The following TMEM245 variants were observed in gnomAD, a reference collection of about 807,000 sequenced individuals.
TMEM245 encodes the protein transmembrane protein 245.
TMEM245 carries 69 observed loss-of-function variants against 101.2 expected under a neutral mutation model. That is an observed-to-expected ratio of 0.68 (90% CI 0.56 to 0.83). TMEM245 has a LOEUF of 0.83. TMEM245 is among the 40% of genes least tolerant of loss of function. TMEM245 has a pLI of 0.00. For synonymous variants in TMEM245, 537 were observed against 449.8 expected (o/e 1.19, Z -2.45); for missense variants, 1,075 against 1,092.8 (o/e 0.98, Z 0.23).
At position 109,108,522 on chromosome 9, in the gene TMEM245, T is replaced by C; in HGVS notation, c.628A>G (p.Asn210Asp). ...GYVLTVSFKW[N>D]ASTERYLRAV... ...CTCAAGTAGCGTTCAGTGCTTGCAT[T>C]CCACTTGAATGAAACAGTCAACACA... Residue 210 changes from asparagine (N) to aspartate (D), a missense_variant, in exon 2 of 18, where the codon AAT (asparagine) becomes GAT (aspartate). By Grantham distance (23) the Asn-to-Asp change is conservative (BLOSUM62 1). This residue lies in a region of TMEM245 where 808 missense variants were observed against 741.5 expected (regional missense o/e 1.09). Transcript: ENST00000374586. 1 of 1,610,546 alleles carries C rather than the reference T, an allele frequency of 6.2e-7. No individual in the cohort carries two copies. The highest frequency in any genetic ancestry group is 1.1e-5 in the South Asian group (1 of 90,366).
chr9:109,086,535 C>G (rs1206465243), intron 6 of TMEM245, among the ~76,000 whole-genome samples: 1 of 152,144 alleles, frequency 6.6e-6, no homozygotes, highest in African/African-American at 2.4e-5. Flanking sequence ...GTGTACCAGG[C>G]AATAATCTAG....
chr9:109,107,493 C>G (rs1830460505), intron 2 of TMEM245, among the ~76,000 whole-genome samples: 1 of 151,908 alleles, frequency 6.6e-6, no homozygotes, highest in Non-Finnish European at 1.5e-5. Context: ...ATAAAACATC[C>G]CTGCCTGCCT....
intron 9 of TMEM245, among the ~76,000 whole-genome samples, chr9:109,066,492 A>G: frequency 6.7e-6 from 1 of 148,846 alleles, no homozygotes; most frequent in South Asian, 2.1e-4. Flanking sequence ...CTCAGCAAGT[A>G]AGACAAAATT....
chr9:109,070,967 C>A (rs893519416), intron 9 of TMEM245, among the ~76,000 whole-genome samples: 1 of 152,134 alleles, frequency 6.6e-6, no homozygotes, highest in South Asian at 2.1e-4. Flanking sequence ...CTGCAACCTC[C>A]GTCTCCCGAG....
intron 8 of TMEM245, among the ~76,000 whole-genome samples, chr9:109,077,173 CAA>C (rs1342147579): frequency 6.6e-6 from 1 of 151,612 alleles, no homozygotes; most frequent in Non-Finnish European, 1.5e-5. Flanking sequence ...TCTTTTGAGA[CAA>C]AGTCTTGCTC....
chr9:109,028,070 G>A (rs1315108666), intron 17 of TMEM245, among the ~76,000 whole-genome samples: 1 of 152,126 alleles, frequency 6.6e-6, no homozygotes, highest in Non-Finnish European at 1.5e-5. Flanking sequence ...TCCCTTATCT[G>A]AAATGCTTGG....
rs117682300 is a variant in TMEM245 at position 109,041,381 on chromosome 9, C to G, written c.2124-3264G>C. 9.2e-3 allele frequency among the ~76,000 whole-genome samples: 1,357 copies of G among 147,928 alleles called. 14 individuals carry two copies. Among genetic ancestry groups the G allele is most frequent in the Middle Eastern group, 0.054 (15 of 276 alleles). On this transcript the variant is annotated intron_variant, in intron 14 of 17. Coordinates refer to ENST00000374586, the MANE Select transcript of TMEM245 (RefSeq NM_032012.4). Reference sequence around the variant, plus strand: ...ATAAGCCAGGCACAGCACAGATAGACAAATACTGCATGTGGAATGTAAGAG... The same window carrying G: ...ATAAGCCAGGCACAGCACAGATAGAGAAATACTGCATGTGGAATGTAAGAG...
intron 12 of TMEM245, among the ~76,000 whole-genome samples, chr9:109,054,223 CAGGAGGAAGAAGG>C (rs1270920361): frequency 6.6e-6 from 1 of 152,068 alleles, no homozygotes; most frequent in Non-Finnish European, 1.5e-5. Context: ...CCCAGCTACT[CAGGAGGAAGAAGG>C]AGGAGGATGA....
At position 109,075,443 on chromosome 9, in the gene TMEM245, C is replaced by A. The variant is rs1236662982; in HGVS notation, c.1450-2005G>T. 2.6e-5 allele frequency among the ~76,000 whole-genome samples: 4 copies of A among 152,210 alleles called. No homozygotes were observed. The East Asian group carries it at 7.7e-4, about 29-fold the overall frequency. On this transcript the variant is annotated intron_variant, in intron 8 of 17. Transcript: ENST00000374586. ...ACACTGTGTAGAACAGGCAGTATTT[C>A]TTCGCTACATGTTTGATAAAACTCA...
At chr9:109,106,712 TTA>T in intron 2 of TMEM245, 103 bp from the exon 3 acceptor site, 2 of 717,442 alleles carry the variant, frequency 2.8e-6, no homozygotes, top group Non-Finnish European at 4.3e-6. Flanking sequence ...GGTATATATA[TTA>T]GTTACAGAAT....
At chr9:109,059,331 C>T (rs1828938440) in intron 11 of TMEM245, among the ~76,000 whole-genome samples, 1 of 152,064 alleles carries the variant, frequency 6.6e-6, no homozygotes, top group African/African-American at 2.4e-5. Context: ...TTAAAATCAG[C>T]CCTCCTCCCC....
At chr9:109,113,756 A>G (rs1442017721) in intron 1 of TMEM245, among the ~76,000 whole-genome samples, 1 of 152,234 alleles carries the variant, frequency 6.6e-6, no homozygotes, top group African/African-American at 2.4e-5. Context: ...CTTCTGTTAC[A>G]TATTTTTGCA....
At chr9:109,072,839 C>T (rs1829375567) in intron 9 of TMEM245, among the ~76,000 whole-genome samples, 1 of 152,122 alleles carries the variant, frequency 6.6e-6, no homozygotes, top group South Asian at 2.1e-4. Flanking sequence ...GACCTCATTT[C>T]TTAAAAATAA....
intron 14 of TMEM245, among the ~76,000 whole-genome samples, chr9:109,049,343 G>C (rs1023414432): frequency 2.6e-5 from 4 of 152,100 alleles, no homozygotes; most frequent in Non-Finnish European, 4.4e-5. Flanking sequence ...CTCTTAAGTA[G>C]CTGGGACTAC....
At chr9:109,022,870 C>G (rs1035537552) in intron 17 of TMEM245, among the ~76,000 whole-genome samples, 2 of 152,238 alleles carry the variant, frequency 1.3e-5, no homozygotes, top group Non-Finnish European at 2.9e-5. Flanking sequence ...TCCCTGACAT[C>G]TTTTCAAATT....
At position 109,090,996 on chromosome 9, in the gene TMEM245, A is replaced by G; in HGVS notation, c.1076T>C (p.Leu359Pro). 6.2e-7 allele frequency: 1 copy of G among 1,614,196 alleles called. No individual in the cohort carries two copies. Among genetic ancestry groups the G allele is most frequent in the Non-Finnish European group, 8.5e-7 (1 of 1,180,042 alleles). The change falls in exon 5 of 18, where the codon CTA (leucine) becomes CCA (proline). Residue 359 changes from leucine to proline, a missense_variant. Physicochemically the swap from Leu to Pro is moderately conservative, Grantham distance 98. Around this residue, in one of 2 missense-constraint regions of TMEM245, gnomAD observed 808 missense variants for 741.5 expected, o/e 1.09. Coordinates refer to ENST00000374586, the MANE Select transcript of TMEM245 (RefSeq NM_032012.4). ...CTGCATGACGACAATGGCCCAAACT[A>G]GAGACACAAAGTAGATGTCACTAGT... ...KKTSDIYFVS[L>P]VWAIVVMQIW... is the part of the protein sequence containing the mutation.
intron 14 of TMEM245, among the ~76,000 whole-genome samples, chr9:109,048,971 G>C (rs1482149097): frequency 2.6e-5 from 4 of 152,210 alleles, no homozygotes; most frequent in African/African-American, 9.6e-5. Context: ...TTGGCTGTAG[G>C]ACAGAGGAGA....
At position 109,064,507 on chromosome 9, in the gene TMEM245, A is replaced by G; in HGVS notation, c.1593T>C (p.Tyr531=). The change falls in exon 10 of 18, where the codon TAT becomes TAC. Residue 531 remains tyrosine (Y), a synonymous_variant. Transcript: ENST00000374586. ...RALNSAANNV[Y]QYGREWITHK... is the part of the protein sequence containing the mutation. ...GAGTTATCCATTCTCGTCCATACTG[A>G]TACACGTTGTTAGCCGCAGAATTCA... The G allele has an allele frequency of 1.2e-6, 2 of 1,614,024 alleles. No individual in the cohort carries two copies. Among genetic ancestry groups the G allele is most frequent in the Non-Finnish European group, 1.7e-6 (2 of 1,179,894 alleles).
At chr9:109,059,422 C>T (rs189116704) in intron 11 of TMEM245, among the ~76,000 whole-genome samples, 2 of 152,136 alleles carry the variant, frequency 1.3e-5, no homozygotes, top group African/African-American at 4.8e-5. Context: ...CAACTCTATC[C>T]ACTCTATACA....
Sources: gnomAD v4.1 joint callset for allele counts (sites outside exome capture counted in the v4.1 genomes callset) on GRCh38, gnomAD v4.1.1 for gene constraint, gnomAD v4.1.1 regional missense constraint, MANE v1.5 for transcripts, NCBI Gene and HGNC (gene_info 2026-07-23, HGNC 2026-07-21) for gene names.